The following CHAMP1 variants were observed in gnomAD, a reference collection of about 807,000 sequenced individuals.
CHAMP1 encodes chromosome alignment maintaining phosphoprotein 1.
CHAMP1 carries 4 observed loss-of-function variants against 54.5 expected under a neutral mutation model. The ratio of observed to expected loss-of-function variants is 0.07; its 90% confidence interval spans 0.04 to 0.17. The LOEUF is 0.17. Ranked by LOEUF, CHAMP1 falls within the 10% of genes least tolerant of loss-of-function variation. The pLI is 1.00. For missense variants in CHAMP1, 994 were observed against 968.6 expected, an observed-to-expected ratio of 1.03 and a Z score of -0.35; for synonymous variants, 368 against 342.2, an observed-to-expected ratio of 1.08 and a Z score of -0.83.
intron 1 of CHAMP1, among the ~76,000 whole-genome samples, chr13:114,315,108 G>A (rs2087079121): frequency 1.3e-5 from 2 of 152,162 alleles, no homozygotes; most frequent in African/African-American, 4.8e-5. Flanking sequence ...TTCAAGAATG[G>A]GCAAGGAATT....
At position 114,325,857 on chromosome 13, in the gene CHAMP1, A is replaced by T; in HGVS notation, c.2015A>T (p.Asp672Val). ...SIDFSKENKM[D>V]MTSPEQSRNV... Reference sequence around the variant, plus strand: ...GATTTTAGCAAAGAGAACAAAATGGACATGACTAGTCCAGAGCAGTCTAGA... The same window carrying T: ...GATTTTAGCAAAGAGAACAAAATGGTCATGACTAGTCCAGAGCAGTCTAGA... Residue 672 changes from aspartate (D) to valine (V), a missense_variant, in exon 3 of 3, where the codon GAC becomes GTC. By Grantham distance (152) the Asp-to-Val change is radical. Transcript: ENST00000361283. The T allele has an allele frequency of 1.2e-6, 2 of 1,614,212 alleles. No homozygotes were observed. Among genetic ancestry groups the T allele is most frequent in the Non-Finnish European group, 1.7e-6 (2 of 1,180,020 alleles).
chr13:114,314,803 C>A (rs1465712215), intron 1 of CHAMP1, among the ~76,000 whole-genome samples, 160 bp downstream of exon 1: 2 of 151,990 alleles, frequency 1.3e-5, no homozygotes, highest in African/African-American at 4.8e-5. Context: ...GGGAAGGGCC[C>A]GCCCCCACAG....
chr13:114,315,150 A>G (rs1435066550), intron 1 of CHAMP1, among the ~76,000 whole-genome samples: 1 of 152,166 alleles, frequency 6.6e-6, no homozygotes, highest in Non-Finnish European at 1.5e-5. Context: ...AAGAGAGACA[A>G]ATGGCCAATA....
At chr13:114,319,290 A>G (rs1292210096) in intron 1 of CHAMP1, among the ~76,000 whole-genome samples, 2 of 152,190 alleles carry the variant, frequency 1.3e-5, no homozygotes, top group Non-Finnish European at 2.9e-5. Flanking sequence ...CTCAAATCCT[A>G]TGACTTTGAG....
rs2087164970 is a variant in CHAMP1, at chr13:114,321,138, A to C, written c.-150A>C. ...CAACTTCTCATCTTTGTTCTTCTTC[A>C]TATACTATAGGCTGTTTGCTGTGGT... On this transcript the variant is annotated 5_prime_UTR_variant, in exon 2 of 3. Transcript: ENST00000361283. 7.8e-6 allele frequency: 1 copy of C among 127,976 alleles called. No homozygotes were observed. Among genetic ancestry groups the C allele is most frequent in the Admixed American group, 8.4e-5 (1 of 11,916 alleles). 7.9% of individuals were successfully genotyped at this position (127,976 alleles called of 1,614,324 possible).
In CHAMP1 at chr13:114,326,152, T is replaced by C; in HGVS notation, c.2310T>C (p.Cys770=). The C allele has an allele frequency of 1.2e-6, 2 of 1,613,334 alleles. No homozygotes were observed. The highest frequency in any genetic ancestry group is 2.2e-5 in the East Asian group (1 of 44,856). ...AAAGTTTACTTAAATGTCCACGTTG[T>C]AATTTTGAATCAAATTTCCCAAGAG... ...HGQSLLKCPR[C]NFESNFPRGF... The change falls in exon 3 of 3, where the codon TGT becomes TGC. Residue 770 remains cysteine (C), a synonymous_variant. Transcript: ENST00000361283.
intron 2 of CHAMP1, chr13:114,322,794 C>A (rs1477290155): frequency 3.3e-5 from 5 of 152,170 alleles, no homozygotes; most frequent in African/African-American, 1.2e-4. Context: ...TTGTGTAAAG[C>A]ATGTGTGTTG....
Position 114,324,517 on chromosome 13 carries a change from C to A in CHAMP1, c.675C>A (p.Pro225=), listed in dbSNP as rs201875013. 1,374 of 1,614,188 alleles carry A rather than the reference C, an allele frequency of 8.5e-4. 21 individuals are homozygous for A. In the South Asian group the frequency reaches 0.013, roughly 15 times the overall value. The change falls in exon 3 of 3, where the codon CCC becomes CCA. Residue 225 remains proline, a synonymous_variant. Transcript: ENST00000361283. The part of the protein sequence containing the change: ...PESVKATLSN[P]KPQKQSHFPE... ...CAGTAAAGGCTACTCTTAGTAATCC[C>A]AAACCCCAGAAGCAGTCTCATTTCC... is the stretch of plus-strand genomic sequence containing the variant.
Position 114,314,537 on chromosome 13 carries a change from C to T in CHAMP1, c.-285C>T, listed in dbSNP as rs1050027069. 2 of 151,784 alleles carry T rather than the reference C, an allele frequency of 1.3e-5. No individual in the cohort carries two copies. The highest frequency in any genetic ancestry group is 6.6e-5 in the Admixed American group (1 of 15,236). 9.4% of individuals were successfully genotyped at this position (151,784 alleles called of 1,614,324 possible). ...GATCCCGGCTCCTGCATCCAGTCGCCATTCGGGAGGCCGCTGCGCTGCAGG... is the reference window on the plus strand; with the variant it reads ...GATCCCGGCTCCTGCATCCAGTCGCTATTCGGGAGGCCGCTGCGCTGCAGG... On this transcript the variant is annotated 5_prime_UTR_variant, in exon 1 of 3. Coordinates refer to ENST00000361283, the MANE Select transcript of CHAMP1 (RefSeq NM_032436.4).
intron 1 of CHAMP1, among the ~76,000 whole-genome samples, chr13:114,316,738 C>A (rs922116424): frequency 2.6e-5 from 4 of 151,164 alleles, no homozygotes; most frequent in Non-Finnish European, 5.9e-5. Flanking sequence ...TGCTTGGAAC[C>A]AGAAGTGCTT....
At chr13:114,322,231 G>A (rs1555379183) in intron 2 of CHAMP1, 1 of 151,862 alleles carries the variant, frequency 6.6e-6, no homozygotes, top group African/African-American at 2.4e-5. Context: ...GTAGAGATGG[G>A]GTTTCACCAT....
chr13:114,317,838 A>G (rs1469400583), intron 1 of CHAMP1, among the ~76,000 whole-genome samples: 1 of 152,246 alleles, frequency 6.6e-6, no homozygotes, highest in Non-Finnish European at 1.5e-5. Context: ...CTGGCATAAC[A>G]TTGCATTGAA....
intron 1 of CHAMP1, among the ~76,000 whole-genome samples, chr13:114,318,857 C>CTTTTT (rs56669844): frequency 4.1e-5 from 1 of 24,190 alleles, no homozygotes; most frequent in African/African-American, 1.7e-4. Flanking sequence ...TCCTGGTTGC[C>CTTTTT]TTTTTTTTTT....
chr13:114,321,132 T>C lies in CHAMP1; in HGVS notation c.-156T>C, dbSNP rs538021484. ...CAGGTTCAACTTCTCATCTTTGTTC[T>C]TCTTCATATACTATAGGCTGTTTGC... On this transcript the variant is annotated 5_prime_UTR_variant, in exon 2 of 3. Coordinates refer to ENST00000361283, the MANE Select transcript of CHAMP1 (RefSeq NM_032436.4). 6.6e-6 allele frequency: 1 copy of C among 151,586 alleles called. No homozygotes were observed. The highest frequency in any genetic ancestry group is 2.4e-5 in the African/African-American group (1 of 41,228). 9.4% of individuals were successfully genotyped at this position (151,586 alleles called of 1,614,324 possible). A position where few individuals can be genotyped will look rare whatever the true frequency, so the allele number is the denominator to read the frequency against.
chr13:114,322,514 G>A (rs2087187728), intron 2 of CHAMP1: 1 of 152,144 alleles, frequency 6.6e-6, no homozygotes, highest in African/African-American at 2.4e-5. Flanking sequence ...TTTCACCTAG[G>A]TTGTAGCAAG....
Position 114,326,492 on chromosome 13 carries a change from T to C in CHAMP1, c.*211T>C, listed in dbSNP as rs1385793386. ...TCTTGTAAGTCAATAAATTTCTGTA[T>C]AGTCCAGATGGATTAAACTTCTCAT... On this transcript the variant is annotated 3_prime_UTR_variant, in exon 3 of 3. Coordinates refer to ENST00000361283, the MANE Select transcript of CHAMP1 (RefSeq NM_032436.4). The C allele has an allele frequency of 5.9e-6, 3 of 506,992 alleles. No homozygotes were observed. Among genetic ancestry groups the C allele is most frequent in the African/African-American group, 2.0e-5 (1 of 50,702 alleles). 31.4% of individuals were successfully genotyped at this position (506,992 alleles called of 1,614,324 possible).
intron 1 of CHAMP1, among the ~76,000 whole-genome samples, 155 bp downstream of exon 1, chr13:114,314,798 G>C (rs2087074929): frequency 1.3e-5 from 2 of 152,104 alleles, no homozygotes; most frequent in South Asian, 2.1e-4. Flanking sequence ...CCCGAGGGAA[G>C]GGCCCGCCCC....
rs980632885 is a variant in CHAMP1 at position 114,326,891 on chromosome 13, C to T, written c.*610C>T. 3 of 166,882 alleles carry T rather than the reference C, an allele frequency of 1.8e-5. No individual in the cohort carries two copies. Among genetic ancestry groups the T allele is most frequent in the African/African-American group, 7.2e-5 (3 of 41,424 alleles). 10.3% of individuals were successfully genotyped at this position (166,882 alleles called of 1,614,324 possible). On this transcript the variant is annotated 3_prime_UTR_variant, in exon 3 of 3. Coordinates refer to ENST00000361283, the MANE Select transcript of CHAMP1 (RefSeq NM_032436.4). ...TAAAATAGTTTGCAGCCTTCTCCCA[C>T]AGGAGACAAGTGAAAGATAAGTGTG...
At chr13:114,322,597 T>G (rs1467163213) in intron 2 of CHAMP1, 1 of 152,254 alleles carries the variant, frequency 6.6e-6, no homozygotes, top group Non-Finnish European at 1.5e-5. Flanking sequence ...TTTGAGAGTT[T>G]GGTAAAATGT....
Sources: allele counts gnomAD v4.1 joint callset (sites outside exome capture counted in the v4.1 genomes callset), GRCh38; gene constraint gnomAD v4.1.1; transcripts MANE v1.5; gene names NCBI Gene and HGNC (gene_info 2026-07-23, HGNC 2026-07-21).